The following LMX1A variants were observed in gnomAD, a reference collection of about 807,000 sequenced individuals.
LMX1A encodes the protein LIM homeobox transcription factor 1 alpha.
LMX1A carries 15 observed loss-of-function variants against 49.1 expected under a neutral mutation model. That is an observed-to-expected ratio of 0.31 (90% CI 0.20 to 0.47). LMX1A has a LOEUF of 0.47. LMX1A is among the 20% of genes least tolerant of loss of function. LMX1A has a pLI of 1.00. For missense variants in LMX1A, 372 were observed against 475.8 expected (o/e 0.78, Z 2.03); for synonymous variants, 167 against 185.7 (o/e 0.90, Z 0.82).
At chr1:165,298,130 G>A (rs1316057874) in intron 3 of LMX1A, among the ~76,000 whole-genome samples, 1 of 152,206 alleles carries the variant, frequency 6.6e-6, no homozygotes, top group African/African-American at 2.4e-5. Flanking sequence ...ATCTCCTTGG[G>A]TGCAAGTACC....
rs1656583613 is a variant in LMX1A, at chr1:165,355,637, C to T, written c.-22-56G>A. ...GTCCGTGCCCGCTGGGACTCGGCGC[C>T]AGCAGCCACCGCACTCCTGGGAAAG... is the stretch of plus-strand genomic sequence containing the variant. On this transcript the variant is annotated intron_variant, in intron 1 of 8. Transcript: ENST00000342310. This position sits in a 1 kb window ranked among gnomAD's most constrained non-coding sequence, Gnocchi z 4.7. The T allele has an allele frequency of 1.3e-5, 17 of 1,331,766 alleles. No individual in the cohort carries two copies. In the South Asian group the frequency reaches 1.7e-4, roughly 14 times the overall value. The allele number at this position is 1,331,766 out of a possible 1,614,324, so 82.5% of individuals were successfully genotyped here. A position where few individuals can be genotyped will look rare whatever the true frequency, so the allele number is the denominator to read the frequency against.
chr1:165,309,668 A>G (rs1162537729), intron 3 of LMX1A, among the ~76,000 whole-genome samples: 1 of 152,190 alleles, frequency 6.6e-6, no homozygotes, highest in Non-Finnish European at 1.5e-5. Context: ...AAGCAATGCA[A>G]AAACCACTGG....
In LMX1A at chr1:165,355,443, G is replaced by T; in HGVS notation, c.76+41C>A. On this transcript the variant is annotated intron_variant, in intron 2 of 8. Transcript: ENST00000342310. This position sits in a 1 kb window ranked among gnomAD's most constrained non-coding sequence, Gnocchi z 4.7. ...GGGGCTCCAGAGCTCAGCGCCAAGC[G>T]GAAAGAGAGTGCGCCCAGGACGCAC... 6.2e-7 allele frequency: 1 copy of T among 1,601,750 alleles called. No homozygotes were observed. The highest frequency in any genetic ancestry group is 8.5e-7 in the Non-Finnish European group (1 of 1,170,218).
At chr1:165,241,839 T>C (rs75332976) in intron 4 of LMX1A, among the ~76,000 whole-genome samples, 1 of 152,248 alleles carries the variant, frequency 6.6e-6, no homozygotes, top group East Asian at 1.9e-4. Context: ...AGAAGGAAAT[T>C]AAGACAAATG....
intron 3 of LMX1A, among the ~76,000 whole-genome samples, chr1:165,333,553 C>G (rs1571228283): frequency 6.6e-6 from 1 of 152,190 alleles, no homozygotes; most frequent in African/African-American, 2.4e-5. Flanking sequence ...CAGCATCAAT[C>G]TCCCACTTTT....
At chr1:165,243,660 G>A (rs1652743848) in intron 4 of LMX1A, among the ~76,000 whole-genome samples, 1 of 152,224 alleles carries the variant, frequency 6.6e-6, no homozygotes. Context: ...GTTGCCCCAT[G>A]TAGAGGAAAC....
intron 3 of LMX1A, among the ~76,000 whole-genome samples, chr1:165,259,623 C>T (rs906186210): frequency 2.0e-5 from 3 of 152,102 alleles, no homozygotes; most frequent in African/African-American, 7.2e-5. Flanking sequence ...AACCTCTCTC[C>T]TCATATTACA....
chr1:165,245,117 G>T (rs1394436), intron 4 of LMX1A, among the ~76,000 whole-genome samples: 36,666 of 151,848 alleles, frequency 0.24, 4,814 homozygotes, highest in African/African-American at 0.36. Context: ...TATTTTAGAT[G>T]CAGGGCATGC....
chr1:165,305,924 A>G (rs1654907791), intron 3 of LMX1A, among the ~76,000 whole-genome samples: 1 of 152,166 alleles, frequency 6.6e-6, no homozygotes, highest in Admixed American at 6.5e-5. Context: ...CATTCTGCAC[A>G]CACCTCCAGA....
intron 4 of LMX1A, among the ~76,000 whole-genome samples, chr1:165,222,294 A>G (rs890677738): frequency 6.6e-6 from 1 of 152,224 alleles, no homozygotes; most frequent in African/African-American, 2.4e-5. Flanking sequence ...AGCTCAGTCT[A>G]GATAAAAGCT....
intron 3 of LMX1A, among the ~76,000 whole-genome samples, chr1:165,265,982 A>G (rs1043126124): frequency 6.6e-6 from 1 of 152,198 alleles, no homozygotes; most frequent in Non-Finnish European, 1.5e-5. Flanking sequence ...ATGATTGGTT[A>G]TTTAAGGGAG....
intron 3 of LMX1A, among the ~76,000 whole-genome samples, chr1:165,272,962 T>C (rs1009882534): frequency 7.2e-5 from 11 of 152,168 alleles, no homozygotes; most frequent in Non-Finnish European, 7.4e-5. Context: ...CCTGGCAGCA[T>C]GAAAGGGAAG....
chr1:165,258,781 G>A (rs768623454), intron 3 of LMX1A, among the ~76,000 whole-genome samples: 5 of 152,132 alleles, frequency 3.3e-5, no homozygotes, highest in Non-Finnish European at 5.9e-5. Flanking sequence ...TCTTGTTCTC[G>A]CAAGGTGTCC....
intron 3 of LMX1A, among the ~76,000 whole-genome samples, chr1:165,297,420 A>G (rs902042125): frequency 6.6e-6 from 1 of 152,206 alleles, no homozygotes; most frequent in Non-Finnish European, 1.5e-5. Context: ...GCTGGAAAAC[A>G]TGGGGCTGAA....
At chr1:165,277,530 G>T (rs1273246502) in intron 3 of LMX1A, among the ~76,000 whole-genome samples, 1 of 152,200 alleles carries the variant, frequency 6.6e-6, no homozygotes, top group African/African-American at 2.4e-5. Flanking sequence ...GTTAGTGTCA[G>T]AGACAAATTT....
chr1:165,331,633 G>A lies in LMX1A; in HGVS notation c.263+21443C>T, dbSNP rs533671071. Among the ~76,000 whole-genome samples, 5 of 152,274 alleles carry A rather than the reference G, an allele frequency of 3.3e-5. 1 individual carries two copies. The highest frequency in any genetic ancestry group is 7.2e-5 in the African/African-American group (3 of 41,548). On this transcript the variant is annotated intron_variant, in intron 3 of 8. Transcript: ENST00000342310. Reference sequence around the variant, plus strand: ...TTTTCAAATCTAAAGAACACAAGGTGGGGCCGGGCACGGTGGCTCACACCT... The same window carrying A: ...TTTTCAAATCTAAAGAACACAAGGTAGGGCCGGGCACGGTGGCTCACACCT...
intron 3 of LMX1A, among the ~76,000 whole-genome samples, chr1:165,283,980 G>A (rs1024126268): frequency 5.9e-5 from 9 of 152,226 alleles, no homozygotes; most frequent in Non-Finnish European, 1.0e-4. Flanking sequence ...AGGAGGTAAA[G>A]ATACAAACTC....
chr1:165,223,650 T>A (rs1325309607), intron 4 of LMX1A, among the ~76,000 whole-genome samples: 2 of 152,320 alleles, frequency 1.3e-5, no homozygotes, highest in Non-Finnish European at 2.9e-5. Context: ...TCCATGGTAA[T>A]TTCTTCCCTT....
At chr1:165,319,356 CA>C (rs1310372780) in intron 3 of LMX1A, among the ~76,000 whole-genome samples, 2 of 152,116 alleles carry the variant, frequency 1.3e-5, no homozygotes, top group African/African-American at 4.8e-5. Flanking sequence ...ATAAGAGACA[CA>C]AGACAATATA....
Sources: gnomAD v4.1 joint callset for allele counts (sites outside exome capture counted in the v4.1 genomes callset) on GRCh38, gnomAD v4.1.1 for gene constraint, Gnocchi (gnomAD v3.1) non-coding constraint, MANE v1.5 for transcripts, NCBI Gene and HGNC (gene_info 2026-07-23, HGNC 2026-07-21) for gene names.